ARHGAP15: variants seen among roughly 807,000 people sequenced by gnomAD.
ARHGAP15 encodes rho GTPase-activating protein 15.
A neutral mutation model predicts 63.7 loss-of-function variants in ARHGAP15; 51 were observed. That is an observed-to-expected ratio of 0.80 (90% CI 0.64 to 1.01). The LOEUF (loss-of-function observed/expected upper bound fraction) is 1.01, where lower values mean the gene tolerates loss of function less well. ARHGAP15 is among the 50% of genes least tolerant of loss of function. ARHGAP15 has a pLI of 0.00. For synonymous variants in ARHGAP15, 191 were observed against 193.8 expected (o/e 0.99, Z 0.12); for missense variants, 560 against 564.6 (o/e 0.99, Z 0.08).
At chr2:143,495,858 A>G (rs2104920067) in intron 9 of ARHGAP15, among the ~76,000 whole-genome samples, 1 of 152,338 alleles carries the variant, frequency 6.6e-6, no homozygotes, top group African/African-American at 2.4e-5. Context: ...TTGCCACTTT[A>G]TCAGTGTTAG....
intron 5 of ARHGAP15, among the ~76,000 whole-genome samples, chr2:143,249,383 G>A (rs943045772): frequency 6.6e-6 from 1 of 151,964 alleles, no homozygotes; most frequent in Admixed American, 6.6e-5. Flanking sequence ...TGGATATAAT[G>A]GCTAAGAGGC....
chr2:143,680,556 T>A (rs1683053999), intron 12 of ARHGAP15, among the ~76,000 whole-genome samples: 1 of 152,182 alleles, frequency 6.6e-6, no homozygotes, highest in Non-Finnish European at 1.5e-5. Context: ...AAATAAAAAT[T>A]TTCTTTGGTT....
rs577347040 is a variant in ARHGAP15, at chr2:143,136,673, G to T, written c.-15+7207G>T. 2.1e-3 allele frequency among the ~76,000 whole-genome samples: 321 copies of T among 151,906 alleles called. 8 individuals are homozygous for T. The South Asian group carries it at 0.033, about 15-fold the overall frequency. ...CCCAATCCTTAAAAATATTACTGAA[G>T]AAAAAGATATGGAAAGAGAAAATGT... is the stretch of plus-strand genomic sequence containing the variant. On this transcript the variant is annotated intron_variant, in intron 1 of 13. Transcript: ENST00000295095.
chr2:143,188,492 C>T (rs1691534567), intron 2 of ARHGAP15, among the ~76,000 whole-genome samples: 2 of 151,792 alleles, frequency 1.3e-5, no homozygotes, highest in Non-Finnish European at 2.9e-5. Flanking sequence ...CATTGTTCTC[C>T]ATCTGCTTGC....
At chr2:143,173,853 A>ACATTTAAGTGGGTAT (rs1690902849) in intron 2 of ARHGAP15, among the ~76,000 whole-genome samples, 2 of 152,272 alleles carry the variant, frequency 1.3e-5, no homozygotes, top group Non-Finnish European at 1.5e-5. Context: ...ACCGTATGTT[A>ACATTTAAGTGGGTAT]GATTTTACCC....
chr2:143,346,929 G>A (rs1484526928), intron 6 of ARHGAP15, among the ~76,000 whole-genome samples: 2 of 152,008 alleles, frequency 1.3e-5, no homozygotes, highest in African/African-American at 4.8e-5. Context: ...GGCTTGCTAT[G>A]ATCTCTACAA....
At chr2:143,225,924 A>G (rs1382502289) in intron 4 of ARHGAP15, among the ~76,000 whole-genome samples, 6 of 152,238 alleles carry the variant, frequency 3.9e-5, no homozygotes, top group Non-Finnish European at 2.9e-5. Flanking sequence ...GGTTGTCAGC[A>G]GCATTATTAT....
intron 11 of ARHGAP15, among the ~76,000 whole-genome samples, chr2:143,595,877 TTG>T (rs1201873934): frequency 6.6e-6 from 1 of 152,154 alleles, no homozygotes; most frequent in Non-Finnish European, 1.5e-5. Context: ...TTCCAAAGTA[TTG>T]TCTTTTCCAG....
intron 3 of ARHGAP15, among the ~76,000 whole-genome samples, chr2:143,209,612 G>C (rs1036289263): frequency 1.3e-5 from 2 of 152,054 alleles, no homozygotes; most frequent in African/African-American, 4.8e-5. Context: ...GTCACACATG[G>C]ATTCTTTGAA....
intron 2 of ARHGAP15, among the ~76,000 whole-genome samples, chr2:143,192,357 C>T (rs775518406): frequency 1.3e-5 from 2 of 152,210 alleles, no homozygotes; most frequent in Admixed American, 6.5e-5. Context: ...ATCATGCCTA[C>T]ACATGGATAA....
intron 13 of ARHGAP15, among the ~76,000 whole-genome samples, chr2:143,725,923 A>C (rs1025857228): frequency 3.3e-5 from 5 of 152,242 alleles, no homozygotes; most frequent in African/African-American, 1.2e-4. Flanking sequence ...CTGAATATCT[A>C]TACAAACAGC....
At chr2:143,354,985 A>ATTGTTC (rs1182217069) in intron 6 of ARHGAP15, among the ~76,000 whole-genome samples, 1 of 152,198 alleles carries the variant, frequency 6.6e-6, no homozygotes, top group East Asian at 1.9e-4. Flanking sequence ...TTTTCATTGT[A>ATTGTTC]AGCGTTTTTT....
At chr2:143,692,269 A>C (rs1683641076) in intron 12 of ARHGAP15, among the ~76,000 whole-genome samples, 1 of 152,152 alleles carries the variant, frequency 6.6e-6, no homozygotes, top group African/African-American at 2.4e-5. Context: ...TTGCATCAGG[A>C]ATTTTTTCAC....
intron 6 of ARHGAP15, among the ~76,000 whole-genome samples, chr2:143,283,426 G>T (rs1681951579): frequency 6.6e-6 from 1 of 152,042 alleles, no homozygotes; most frequent in Non-Finnish European, 1.5e-5. Context: ...TTTAGTTTTG[G>T]ATATTTAAAT....
chr2:143,222,451 G>A lies in ARHGAP15; in HGVS notation c.296+6006G>A, dbSNP rs571398280. ...TAAAGAAGGCAAAAGAAAGGTAAGC[G>A]TAGGATATAAAGCTTTTGGTGTTTA... On this transcript the variant is annotated intron_variant, in intron 4 of 13. Transcript: ENST00000295095. Among the ~76,000 whole-genome samples, 9 of 152,294 alleles carry A rather than the reference G, an allele frequency of 5.9e-5. No individual in the cohort carries two copies. In the East Asian group the frequency reaches 1.2e-3, roughly 20 times the overall value.
At chr2:143,594,972 A>G (rs973153165) in intron 11 of ARHGAP15, among the ~76,000 whole-genome samples, 2 of 152,122 alleles carry the variant, frequency 1.3e-5, no homozygotes, top group African/African-American at 2.4e-5. Context: ...AAAAGACACA[A>G]CCGTACAAGC....
chr2:143,606,068 A>AAAAAAC (rs1559076928), intron 11 of ARHGAP15, among the ~76,000 whole-genome samples: 1 of 44,084 alleles, frequency 2.3e-5, no homozygotes, highest in Non-Finnish European at 6.7e-5. Context: ...AAAAAAAAAA[A>AAAAAAC]AAGCCATACA....
chr2:143,525,763 G>A (rs1322394069), intron 10 of ARHGAP15, among the ~76,000 whole-genome samples: 1 of 152,022 alleles, frequency 6.6e-6, no homozygotes, highest in African/African-American at 2.4e-5. Context: ...CACATTTAGG[G>A]CTCGAGGGGA....
chr2:143,490,759 A>G (rs1478464949), intron 9 of ARHGAP15, among the ~76,000 whole-genome samples: 1 of 152,102 alleles, frequency 6.6e-6, no homozygotes, highest in Non-Finnish European at 1.5e-5. Flanking sequence ...AGCTGGGATT[A>G]CAGGCATGCA....
Sources: allele counts gnomAD v4.1 joint callset (sites outside exome capture counted in the v4.1 genomes callset), GRCh38; gene constraint gnomAD v4.1.1; transcripts MANE v1.5; gene names NCBI Gene and HGNC (gene_info 2026-07-23, HGNC 2026-07-21).